Variants in NYAP2 observed in about 807,000 individuals in gnomAD.
NYAP2 encodes neuronal tyrosine-phosphorylated phosphoinositide-3-kinase adapter 2.
In NYAP2, 23 loss-of-function variants were observed where a neutral mutation model predicts 50.4. That is an observed-to-expected ratio of 0.46 (90% confidence interval 0.33 to 0.65). NYAP2 has a LOEUF of 0.65. Among genes scored for constraint, NYAP2 ranks in the 30% least tolerant of loss-of-function variants. NYAP2 has a pLI of 0.02. For synonymous variants in NYAP2, 394 were observed against 365.2 expected, an observed-to-expected ratio of 1.08 and a Z score of -0.90; for missense variants, 885 against 861.0, an observed-to-expected ratio of 1.03 and a Z score of -0.35.
At chr2:225,698,301 CTT>C in the NYAP2 span, 1 of 152,264 alleles carries the variant, frequency 6.6e-6, no homozygotes, top group Non-Finnish European at 1.5e-5. Context: ...TGTATTCACT[CTT>C]TCTTTTTTGC....
intron 5 of NYAP2, among the ~76,000 whole-genome samples, chr2:225,589,821 A>G (rs1692464260): frequency 6.6e-6 from 1 of 151,970 alleles, no homozygotes; most frequent in African/African-American, 2.4e-5. Flanking sequence ...GTATTGAAAA[A>G]CCAAAGGGAA....
At chr2:225,648,567 A>G (rs1693675860) in intron 6 of NYAP2, among the ~76,000 whole-genome samples, 1 of 152,156 alleles carries the variant, frequency 6.6e-6, no homozygotes, top group East Asian at 1.9e-4. Context: ...CAAGGGGGAA[A>G]AAAAGCAAAT....
intron 3 of NYAP2, among the ~76,000 whole-genome samples, chr2:225,489,410 G>A (rs1439079515): frequency 6.6e-6 from 1 of 151,716 alleles, no homozygotes; most frequent in South Asian, 2.1e-4. Flanking sequence ...GTTGGCCAGG[G>A]TGGTCTTGAA....
chr2:225,636,873 C>G (rs556815587), intron 6 of NYAP2, among the ~76,000 whole-genome samples: 1 of 152,212 alleles, frequency 6.6e-6, no homozygotes, highest in South Asian at 2.1e-4. Flanking sequence ...AATAGCAGAA[C>G]CATCTACTTG....
chr2:225,693,236 C>G, the NYAP2 span, among the ~76,000 whole-genome samples: 1 of 152,066 alleles, frequency 6.6e-6, no homozygotes, highest in African/African-American at 2.4e-5. Context: ...GACAGTTTCT[C>G]AGACTTTCCT....
intron 3 of NYAP2, among the ~76,000 whole-genome samples, chr2:225,502,839 T>A (rs1373546420): frequency 1.3e-5 from 2 of 152,104 alleles, no homozygotes; most frequent in African/African-American, 4.8e-5. Flanking sequence ...ATCATAGGGG[T>A]TCAAGAGCCA....
chr2:225,642,499 C>T (rs1693550102), intron 6 of NYAP2, among the ~76,000 whole-genome samples: 1 of 152,106 alleles, frequency 6.6e-6, no homozygotes, highest in Non-Finnish European at 1.5e-5. Flanking sequence ...GCAAATTTCT[C>T]CTGGTTGTTC....
chr2:225,437,072 C>A (rs549574091), intron 3 of NYAP2, among the ~76,000 whole-genome samples: 42 of 151,508 alleles, frequency 2.8e-4, no homozygotes, highest in Middle Eastern at 3.4e-3. Context: ...TACAGTTCAT[C>A]AAATCATATA....
upstream of NYAP2, among the ~76,000 whole-genome samples, chr2:225,398,489 A>G (rs144938429): frequency 6.6e-6 from 1 of 152,070 alleles, no homozygotes; most frequent in African/African-American, 2.4e-5. Context: ...GACAACATCT[A>G]TGAGAACACT....
In NYAP2 at chr2:225,528,836, G is replaced by C. The variant is rs143757297; in HGVS notation, c.523+15164G>C. Among the ~76,000 whole-genome samples, 518 of 152,264 alleles carry C rather than the reference G, an allele frequency of 3.4e-3. 1 individual carries two copies. Among genetic ancestry groups the C allele is most frequent in the African/African-American group, 0.012 (489 of 41,556 alleles). On this transcript the variant is annotated intron_variant, in intron 4 of 6. Transcript: ENST00000636099. ...TCTCTGCCTGTTCTGTAGCATTTTG[G>C]TGAGAAATATGAGACTCGATGTTCC...
At chr2:225,482,346 G>A (rs1690220587) in intron 3 of NYAP2, among the ~76,000 whole-genome samples, 1 of 152,164 alleles carries the variant, frequency 6.6e-6, no homozygotes, top group South Asian at 2.1e-4. Flanking sequence ...ATTGGTAATA[G>A]AATGGTGCCT....
chr2:225,620,479 G>T (rs542958206), intron 5 of NYAP2, among the ~76,000 whole-genome samples: 1 of 144,034 alleles, frequency 6.9e-6, no homozygotes, highest in African/African-American at 2.7e-5. Context: ...ACACGCACAC[G>T]CACGCACGCA....
intron 2 of NYAP2, 72 bp from the exon 3 acceptor site, chr2:225,408,792 T>C: frequency 2.6e-6 from 2 of 757,488 alleles, no homozygotes; most frequent in East Asian, 5.0e-5. Context: ...TTTTGAGTTG[T>C]TAGGGATAAT....
chr2:225,695,980 C>G, the NYAP2 span, among the ~76,000 whole-genome samples: 1 of 151,812 alleles, frequency 6.6e-6, no homozygotes, highest in Non-Finnish European at 1.5e-5. Context: ...GGCTCCAAGT[C>G]CAAGCTAGTA....
chr2:225,516,467 G>A (rs1158599068), intron 4 of NYAP2, among the ~76,000 whole-genome samples: 1 of 152,128 alleles, frequency 6.6e-6, no homozygotes, highest in African/African-American at 2.4e-5. Context: ...GGCTACATAA[G>A]TTGTCGGGAC....
intron 4 of NYAP2, among the ~76,000 whole-genome samples, chr2:225,576,946 T>C (rs1159908814): frequency 6.6e-6 from 1 of 152,114 alleles, no homozygotes; most frequent in Admixed American, 6.5e-5. Context: ...AAGGCTAACC[T>C]CTGTTGTATC....
intron 4 of NYAP2, among the ~76,000 whole-genome samples, chr2:225,538,125 G>C (rs575508310): frequency 6.6e-6 from 1 of 152,184 alleles, no homozygotes; most frequent in Non-Finnish European, 1.5e-5. Context: ...ACAGGCTGGC[G>C]TTTAGTGTCT....
At chr2:225,411,986 T>C (rs1389890212) in intron 3 of NYAP2, among the ~76,000 whole-genome samples, 1 of 149,158 alleles carries the variant, frequency 6.7e-6, no homozygotes, top group Non-Finnish European at 1.5e-5. Context: ...TTACAAATAA[T>C]ATTATATTAT....
intron 5 of NYAP2, among the ~76,000 whole-genome samples, chr2:225,624,519 A>T (rs1693175028): frequency 6.6e-6 from 1 of 152,232 alleles, no homozygotes. Flanking sequence ...ATTATTTCCT[A>T]GAGACGGGTC....
Sources: allele counts gnomAD v4.1 joint callset (sites outside exome capture counted in the v4.1 genomes callset), GRCh38; gene constraint gnomAD v4.1.1; transcripts MANE v1.5; gene names NCBI Gene and HGNC (gene_info 2026-07-23, HGNC 2026-07-21).